Variants in GSE1 observed in about 807,000 individuals in gnomAD.
The protein encoded by GSE1 is Gse1 coiled-coil protein.
Under a neutral mutation model 112.6 loss-of-function variants are expected in GSE1, and 32 were observed. The ratio of observed to expected loss-of-function variants is 0.28; its 90% CI spans 0.21 to 0.38. GSE1 has a LOEUF of 0.38. GSE1 is among the 10% of genes least tolerant of loss of function. GSE1 has a pLI of 1.00. For synonymous variants in GSE1, 1,115 were observed against 735.6 expected (o/e 1.52, Z -8.35); for missense variants, 2,348 against 1,699.2 (o/e 1.38, Z -6.71).
intron 2 of GSE1, among the ~76,000 whole-genome samples, chr16:85,475,207 C>A (rs933008810): frequency 6.6e-6 from 1 of 152,218 alleles, no homozygotes; most frequent in Non-Finnish European, 1.5e-5. Flanking sequence ...CCTGCCTCCA[C>A]CAGCCCAGAC....
Position 85,663,021 on chromosome 16 carries a change from T to TGAG in GSE1, c.2309_2311dup (p.Glu770dup). ...TCGATGACTCTTACGACGAGAGCGATGAGGAGGAGGTCAGGGCCCACCTCC... is the reference window on the plus strand; with the variant it reads ...TCGATGACTCTTACGACGAGAGCGATGAGGAGGAGGAGGTCAGGGCCCACCTCC... On this transcript the variant is annotated inframe_insertion, in exon 10 of 16. Coordinates refer to ENST00000253458, the MANE Select transcript of GSE1 (RefSeq NM_014615.5). 1 of 1,613,140 alleles carries TGAG rather than the reference T, an allele frequency of 6.2e-7. No homozygotes were observed. The highest frequency in any genetic ancestry group is 8.5e-7 in the Non-Finnish European group (1 of 1,179,592).
chr16:85,195,679 C>A (rs923793490), intron 1 of GSE1, among the ~76,000 whole-genome samples: 1 of 152,210 alleles, frequency 6.6e-6, no homozygotes, highest in Non-Finnish European at 1.5e-5. Context: ...ACTGCAGCGT[C>A]TTGTGGTCGT....
chr16:85,444,707 C>T (rs80080208), intron 2 of GSE1, among the ~76,000 whole-genome samples: 7,262 of 152,148 alleles, frequency 0.048, 588 homozygotes, highest in African/African-American at 0.17. Context: ...AGCCGGGCTC[C>T]GTGTTGCTAG....
At chr16:85,636,297 T>C (rs1177016219) in intron 2 of GSE1, among the ~76,000 whole-genome samples, 2 of 152,158 alleles carry the variant, frequency 1.3e-5, no homozygotes, top group East Asian at 1.9e-4. Context: ...CACCCCCTAT[T>C]GAGCTGGGAA....
At chr16:85,318,283 G>A (rs2046027853) in intron 1 of GSE1, among the ~76,000 whole-genome samples, 1 of 152,148 alleles carries the variant, frequency 6.6e-6, no homozygotes, top group Non-Finnish European at 1.5e-5. Flanking sequence ...TTGGATGGGG[G>A]GATAGGGTCT....
intron 1 of GSE1, among the ~76,000 whole-genome samples, chr16:85,599,515 C>T (rs2047373822): frequency 6.6e-6 from 1 of 152,190 alleles, no homozygotes; most frequent in Admixed American, 6.5e-5. Context: ...GTTTGGGGAT[C>T]GTGAGTCAAC....
intron 1 of GSE1, among the ~76,000 whole-genome samples, chr16:85,589,978 G>C: frequency 6.6e-6 from 1 of 152,006 alleles, no homozygotes; most frequent in Non-Finnish European, 1.5e-5. Context: ...TGTGGTGTGT[G>C]AATGCATGTG....
intron 2 of GSE1, among the ~76,000 whole-genome samples, chr16:85,507,442 G>A (rs1239511831): frequency 1.3e-5 from 2 of 152,214 alleles, no homozygotes; most frequent in Non-Finnish European, 2.9e-5. Flanking sequence ...ATTTGGGACC[G>A]CAGGGTTACT....
upstream of GSE1, chr16:85,555,569 G>A: frequency 1.1e-6 from 1 of 916,290 alleles, no homozygotes; most frequent in Non-Finnish European, 1.3e-6. Flanking sequence ...TCTCCCGCTC[G>A]CCCCCTCCTC....
chr16:85,437,262 C>T (rs187826344), intron 2 of GSE1, among the ~76,000 whole-genome samples: 1 of 152,276 alleles, frequency 6.6e-6, no homozygotes, highest in East Asian at 1.9e-4. Flanking sequence ...GCACGCCCTC[C>T]AAACAATCTT....
At chr16:85,539,082 T>G (rs569062263) in intron 2 of GSE1, among the ~76,000 whole-genome samples, 1 of 152,346 alleles carries the variant, frequency 6.6e-6, no homozygotes, top group African/African-American at 2.4e-5. Context: ...TCCACACAGC[T>G]TTGCCCACTC....
intron 1 of GSE1, among the ~76,000 whole-genome samples, chr16:85,565,493 C>T (rs2045708262): frequency 6.6e-6 from 1 of 152,180 alleles, no homozygotes; most frequent in African/African-American, 2.4e-5. Context: ...GGGAGATGCC[C>T]CTGAGAAGCC....
rs890384998 is a variant in GSE1, at chr16:85,401,425, C to T, written c.2464+43782C>T. ...AAAGATGCTGCTGCCCCAGCGGGAC[C>T]GGAGCTCGGGGGCTCTGGATGGGCC... is the stretch of plus-strand genomic sequence containing the variant. On this transcript the variant is annotated intron_variant, in intron 2 of 2. Coordinates refer to the GSE1 transcript ENST00000637419. Among the ~76,000 whole-genome samples the T allele has an allele frequency of 7.9e-5, 12 of 152,254 alleles. No homozygotes were observed. The East Asian group carries it at 1.4e-3, about 17-fold the overall frequency.
intron 2 of GSE1, among the ~76,000 whole-genome samples, chr16:85,510,004 C>G (rs1006836224): frequency 6.6e-6 from 1 of 152,164 alleles, no homozygotes; most frequent in Non-Finnish European, 1.5e-5. Flanking sequence ...CTGTTGGAAC[C>G]GCATTGAATG....
intron 1 of GSE1, among the ~76,000 whole-genome samples, chr16:85,622,263 T>G (rs1487703619): frequency 1.3e-5 from 2 of 152,202 alleles, no homozygotes; most frequent in African/African-American, 4.8e-5. Context: ...GGGTGCTTGT[T>G]GGTTTTTTCC....
At chr16:85,509,661 G>C (rs550465024) in intron 2 of GSE1, among the ~76,000 whole-genome samples, 142 of 152,370 alleles carry the variant, frequency 9.3e-4, no homozygotes, top group African/African-American at 3.4e-3. Flanking sequence ...CTGAAGGCCA[G>C]CGTGGGGAAC....
chr16:85,247,504 C>T (rs1371075658), intron 1 of GSE1, among the ~76,000 whole-genome samples: 4 of 152,276 alleles, frequency 2.6e-5, no homozygotes, highest in East Asian at 3.9e-4. Context: ...GGGCCGGACC[C>T]GCACGTCATG....
At chr16:85,428,521 G>T (rs1008372322) in intron 2 of GSE1, among the ~76,000 whole-genome samples, 1 of 152,222 alleles carries the variant, frequency 6.6e-6, no homozygotes, top group Non-Finnish European at 1.5e-5. Context: ...GTGACGTAGC[G>T]CTTGGAACCA....
intron 1 of GSE1, among the ~76,000 whole-genome samples, chr16:85,206,191 TG>T (rs141538436): frequency 0.012 from 1,304 of 104,634 alleles, 13 homozygotes; most frequent in African/African-American, 0.041. Flanking sequence ...AGCACCCAGA[TG>T]GGGGGGGCGC....
Sources: allele counts gnomAD v4.1 joint callset (sites outside exome capture counted in the v4.1 genomes callset), GRCh38; gene constraint gnomAD v4.1.1; transcripts MANE v1.5; gene names NCBI Gene and HGNC (gene_info 2026-07-23, HGNC 2026-07-21).